Variants in TMEM132D observed in about 807,000 individuals in gnomAD.
TMEM132D encodes transmembrane protein 132D, also known as mature OL transmembrane protein.
In TMEM132D, 21 loss-of-function variants were observed where a neutral mutation model predicts 62.3. The observed-to-expected ratio is 0.34, with a 90% CI of 0.24 to 0.49. TMEM132D has a LOEUF of 0.49. Among genes scored for constraint, TMEM132D ranks in the 20% least tolerant of loss-of-function variants. TMEM132D has a pLI of 0.99. For missense variants in TMEM132D, 1,346 were observed against 1,402.8 expected (o/e 0.96, Z 0.65); for synonymous variants, 621 against 575.6 (o/e 1.08, Z -1.13).
chr12:129,357,518 G>GA (rs1438970106), intron 3 of TMEM132D, among the ~76,000 whole-genome samples: 1 of 149,358 alleles, frequency 6.7e-6, no homozygotes, highest in African/African-American at 2.5e-5. Flanking sequence ...GAGAAAGAAA[G>GA]AAGGAAGGAA....
intron 2 of TMEM132D, among the ~76,000 whole-genome samples, chr12:129,535,777 CGT>C (rs779067793): frequency 0.024 from 1,785 of 74,626 alleles, 14 homozygotes; most frequent in African/African-American, 0.063. Context: ...GATTTGTGTG[CGT>C]GTGTGTGTGT....
At chr12:129,709,813 A>G (rs763410977) in intron 1 of TMEM132D, among the ~76,000 whole-genome samples, 8 of 152,356 alleles carry the variant, frequency 5.3e-5, no homozygotes, top group Non-Finnish European at 1.2e-4. Context: ...AAAAATGTAT[A>G]TCATATTTCA....
At chr12:129,332,411 G>A (rs376526672) in intron 4 of TMEM132D, among the ~76,000 whole-genome samples, 28 of 152,164 alleles carry the variant, frequency 1.8e-4, no homozygotes, top group Admixed American at 4.6e-4. Context: ...AGTAGCTTTC[G>A]ATGCAAGCAC....
At chr12:129,832,379 T>C (rs1423840155) in intron 1 of TMEM132D, among the ~76,000 whole-genome samples, 1 of 151,616 alleles carries the variant, frequency 6.6e-6, no homozygotes, top group Admixed American at 6.6e-5. Flanking sequence ...AAAGGATATA[T>C]CATAAATATT....
chr12:129,439,857 T>C (rs1348988596), intron 3 of TMEM132D, among the ~76,000 whole-genome samples: 1 of 152,188 alleles, frequency 6.6e-6, no homozygotes, highest in East Asian at 1.9e-4. Flanking sequence ...GAAATCAGGC[T>C]TGGATGTGTG....
At chr12:129,493,150 C>T (rs1012708064) in intron 3 of TMEM132D, among the ~76,000 whole-genome samples, 1 of 152,172 alleles carries the variant, frequency 6.6e-6, no homozygotes, top group African/African-American at 2.4e-5. Context: ...TCTTTAACTT[C>T]ATGTCTCTCT....
At chr12:129,219,044 C>T (rs1879285139) in intron 4 of TMEM132D, among the ~76,000 whole-genome samples, 1 of 152,184 alleles carries the variant, frequency 6.6e-6, no homozygotes. Context: ...CCCATGATGT[C>T]AGAAAAACCC....
Position 129,089,234 on chromosome 12 carries a change from G to A in TMEM132D, c.1444-4532C>T, listed in dbSNP as rs533025068. Among the ~76,000 whole-genome samples, 23 of 37,762 alleles carry A rather than the reference G, an allele frequency of 6.1e-4. 7 individuals are homozygous for A. The highest frequency in any genetic ancestry group is 9.2e-4 in the African/African-American group (4 of 4,346). The allele number at this position is 37,762 out of a possible 152,430, so 24.8% of individuals were successfully genotyped here. On this transcript the variant is annotated intron_variant, in intron 5 of 8. Transcript: ENST00000422113. ...CTATGACCGGGTGTCCTCTATGACCGGGTGTCCTCCCTGACCGGGTGTCCT... is the reference window on the plus strand; with the variant it reads ...CTATGACCGGGTGTCCTCTATGACCAGGTGTCCTCCCTGACCGGGTGTCCT...
chr12:129,459,623 G>A (rs1873592845), intron 3 of TMEM132D, among the ~76,000 whole-genome samples: 1 of 152,184 alleles, frequency 6.6e-6, no homozygotes, highest in Non-Finnish European at 1.5e-5. Context: ...TGAATTTTAA[G>A]GGATGTAAAT....
At chr12:129,410,054 A>C (rs1871918437) in intron 3 of TMEM132D, among the ~76,000 whole-genome samples, 1 of 152,204 alleles carries the variant, frequency 6.6e-6, no homozygotes, top group South Asian at 2.1e-4. Context: ...CTTCTGGAGC[A>C]CTGCTACCCA....
At chr12:129,514,068 T>C (rs1295516893) in intron 3 of TMEM132D, among the ~76,000 whole-genome samples, 1 of 150,862 alleles carries the variant, frequency 6.6e-6, no homozygotes, top group East Asian at 2.0e-4. Flanking sequence ...CTCGATCCCC[T>C]GACCTTGTGA....
At chr12:129,640,077 CACG>C (rs1199970594) in intron 2 of TMEM132D, among the ~76,000 whole-genome samples, 1 of 152,030 alleles carries the variant, frequency 6.6e-6, no homozygotes, top group Non-Finnish European at 1.5e-5. Flanking sequence ...CACACACACA[CACG>C]TAGAAATTCC....
intron 1 of TMEM132D, among the ~76,000 whole-genome samples, chr12:129,877,292 C>G (rs912538061): frequency 6.6e-6 from 1 of 151,536 alleles, no homozygotes; most frequent in African/African-American, 2.4e-5. Flanking sequence ...TTCAGAGAAC[C>G]ACACACTGTG....
chr12:129,522,950 T>TTATA (rs10649673), intron 3 of TMEM132D, among the ~76,000 whole-genome samples: 400 of 149,524 alleles, frequency 2.7e-3, no homozygotes, highest in East Asian at 0.012. Flanking sequence ...TAGACATAGA[T>TTATA]TATATATATA....
intron 1 of TMEM132D, among the ~76,000 whole-genome samples, chr12:129,899,388 G>A (rs1875268782): frequency 8.1e-6 from 1 of 124,122 alleles, no homozygotes; most frequent in Admixed American, 7.8e-5. Flanking sequence ...AGATGGATGG[G>A]TGGATAATGG....
chr12:129,869,444 A>C (rs2137375737), intron 1 of TMEM132D, among the ~76,000 whole-genome samples: 1 of 152,358 alleles, frequency 6.6e-6, no homozygotes, highest in South Asian at 2.1e-4. Context: ...TGAATACTTT[A>C]AATCATCTCT....
At chr12:129,532,165 G>GT (rs1876246311) in intron 2 of TMEM132D, among the ~76,000 whole-genome samples, 1 of 152,202 alleles carries the variant, frequency 6.6e-6, no homozygotes, top group African/African-American at 2.4e-5. Flanking sequence ...TTCCTGCTGT[G>GT]TTTTCTCTTA....
At chr12:129,171,639 G>C (rs1293127878) in intron 5 of TMEM132D, among the ~76,000 whole-genome samples, 1 of 152,222 alleles carries the variant, frequency 6.6e-6, no homozygotes, top group East Asian at 1.9e-4. Context: ...TGGATGTTGT[G>C]TTGGCAGGTG....
Position 129,253,449 on chromosome 12 carries a change from G to T in TMEM132D, c.1300-43786C>A, listed in dbSNP as rs1880321733. ...ATGACCTCAGAAGCAAACACAAAGAGACTGAGGTTAATTTCCAGCCAACCC... is the reference window on the plus strand; with the variant it reads ...ATGACCTCAGAAGCAAACACAAAGATACTGAGGTTAATTTCCAGCCAACCC... On this transcript the variant is annotated intron_variant, in intron 4 of 8. Transcript: ENST00000422113. Among the ~76,000 whole-genome samples the T allele has an allele frequency of 2.0e-5, 3 of 152,146 alleles. No homozygotes were observed. In the South Asian group the frequency reaches 6.2e-4, roughly 32 times the overall value.
Sources: allele counts gnomAD v4.1 joint callset (sites outside exome capture counted in the v4.1 genomes callset), GRCh38; gene constraint gnomAD v4.1.1; transcripts MANE v1.5; gene names NCBI Gene and HGNC (gene_info 2026-07-23, HGNC 2026-07-21).